ZNF782: variants seen among roughly 807,000 people sequenced by gnomAD.
The protein encoded by ZNF782 is zinc finger protein 782.
ZNF782 carries 12 observed loss-of-function variants against 13.0 expected under a neutral mutation model. The observed-to-expected ratio is 0.92, with a 90% CI of 0.59 to 1.50. ZNF782 has a LOEUF of 1.50. Among genes scored for constraint, ZNF782 ranks in the 40% most tolerant of loss-of-function variants. ZNF782 has a pLI of 0.00. For synonymous variants in ZNF782, 284 were observed against 283.0 expected, an observed-to-expected ratio of 1.00 and a Z score of -0.04; for missense variants, 770 against 822.9, an observed-to-expected ratio of 0.94 and a Z score of 0.79.
At chr9:96,891,561 CTT>C in the ZNF782 span, 1,585 of 138,096 alleles carry the variant, frequency 0.011, 45 homozygotes, top group African/African-American at 0.038. Flanking sequence ...TCTGTTAAGT[CTT>C]TTTTTTTTTT....
At chr9:96,889,329 C>G in the ZNF782 span, 1 of 152,160 alleles carries the variant, frequency 6.6e-6, no homozygotes, top group African/African-American at 2.4e-5. Flanking sequence ...CCATTTAATG[C>G]CATTATTGCA....
chr9:96,869,424 C>T (rs375526957), intron 1 of ZNF782, among the ~76,000 whole-genome samples: 1 of 152,124 alleles, frequency 6.6e-6, no homozygotes, highest in South Asian at 2.1e-4. Flanking sequence ...TATTTGTTAT[C>T]ATTTAGTTTG....
the ZNF782 span, among the ~76,000 whole-genome samples, chr9:96,924,911 G>A: frequency 3.3e-5 from 5 of 152,338 alleles, no homozygotes; most frequent in East Asian, 1.9e-4. Flanking sequence ...GCTAAGGACC[G>A]CTCCCGCCTT....
At chr9:96,835,620 G>A (rs984780197) in intron 4 of ZNF782, among the ~76,000 whole-genome samples, 2 of 152,190 alleles carry the variant, frequency 1.3e-5, no homozygotes, top group Non-Finnish European at 2.9e-5. Flanking sequence ...CTCCAGTAAG[G>A]CTTGTGCTGC....
intron 4 of ZNF782, among the ~76,000 whole-genome samples, chr9:96,841,614 G>A (rs1015012139): frequency 3.9e-5 from 6 of 151,908 alleles, no homozygotes; most frequent in Admixed American, 3.3e-4. Flanking sequence ...ATGGAGTAAT[G>A]AAGAAAAACC....
the ZNF782 span, chr9:96,893,352 T>C: frequency 2.0e-5 from 3 of 152,194 alleles, no homozygotes; most frequent in Admixed American, 1.3e-4. Context: ...TAGGAGGCTA[T>C]CTGATCATTA....
intron 1 of ZNF782, among the ~76,000 whole-genome samples, chr9:96,872,546 T>C (rs954663417): frequency 6.6e-5 from 10 of 151,812 alleles, no homozygotes; most frequent in African/African-American, 1.9e-4. Context: ...AAAAAAAAAT[T>C]GTGACTAGTA....
intron 1 of ZNF782, among the ~76,000 whole-genome samples, chr9:96,871,604 T>C (rs1159188811): frequency 6.6e-6 from 1 of 152,208 alleles, no homozygotes; most frequent in Non-Finnish European, 1.5e-5. Context: ...AAGGCTTAAA[T>C]GGCAGGATCA....
In ZNF782 at chr9:96,845,032, T is replaced by C. The variant is rs781684518; in HGVS notation, c.16-16A>G. 6.2e-7 allele frequency: 1 copy of C among 1,613,830 alleles called. No individual in the cohort carries two copies. Among genetic ancestry groups the C allele is most frequent in the East Asian group, 2.2e-5 (1 of 44,868 alleles). The stretch of plus-strand genomic sequence containing the variant: ...ACACTGATGCCTGTAACAGCGCATT[T>C]CTAATTAATCTGAGTGTTCAGAATC... On this transcript the variant is annotated splice_polypyrimidine_tract_variant and intron_variant, in intron 3 of 5. Transcript: ENST00000481138.
At chr9:96,933,248 G>A in the ZNF782 span, among the ~76,000 whole-genome samples, 1 of 151,760 alleles carries the variant, frequency 6.6e-6, no homozygotes. Context: ...AAAGTGCTGC[G>A]ATTGCAGGCA....
chr9:96,834,562 C>T (rs1340520815), intron 4 of ZNF782, among the ~76,000 whole-genome samples: 2 of 152,156 alleles, frequency 1.3e-5, no homozygotes, highest in African/African-American at 2.4e-5. Flanking sequence ...CTCTTGCTTC[C>T]ATGCAATTTC....
intron 1 of ZNF782, among the ~76,000 whole-genome samples, chr9:96,873,866 G>T (rs1472559753): frequency 3.3e-5 from 5 of 152,200 alleles, no homozygotes; most frequent in Admixed American, 3.3e-4. Flanking sequence ...TCTGACAAAT[G>T]TTTGGGGTAT....
At chr9:96,912,592 G>C in the ZNF782 span, among the ~76,000 whole-genome samples, 33 of 151,636 alleles carry the variant, frequency 2.2e-4, 2 homozygotes, top group Admixed American at 9.2e-4. Flanking sequence ...GCAGTGGCAC[G>C]ATCTTGGCTC....
the ZNF782 span, among the ~76,000 whole-genome samples, chr9:96,919,714 C>G: frequency 6.7e-6 from 1 of 149,946 alleles, no homozygotes; most frequent in African/African-American, 2.4e-5. Flanking sequence ...AAGGCGTGTA[C>G]CACTACGCCC....
At chr9:96,926,772 T>C in the ZNF782 span, among the ~76,000 whole-genome samples, 2 of 152,210 alleles carry the variant, frequency 1.3e-5, no homozygotes, top group Non-Finnish European at 2.9e-5. Context: ...TGTTACGTTT[T>C]CTGCAACTCT....
At chr9:96,837,743 T>G (rs893941429) in intron 4 of ZNF782, among the ~76,000 whole-genome samples, 1 of 152,206 alleles carries the variant, frequency 6.6e-6, no homozygotes, top group African/African-American at 2.4e-5. Context: ...CTCAAGGTAT[T>G]TTCTAATTTG....
intron 4 of ZNF782, among the ~76,000 whole-genome samples, chr9:96,828,919 T>C (rs377377427): frequency 6.6e-6 from 1 of 152,112 alleles, no homozygotes; most frequent in African/African-American, 2.4e-5. Flanking sequence ...GAAAATTTTA[T>C]GTAGACAGAA....
the ZNF782 span, among the ~76,000 whole-genome samples, chr9:96,914,184 C>T: frequency 1.3e-5 from 2 of 151,400 alleles, no homozygotes; most frequent in Non-Finnish European, 3.0e-5. Flanking sequence ...TGCAGTGGCG[C>T]GATCTCGGCT....
intron 1 of ZNF782, among the ~76,000 whole-genome samples, chr9:96,873,623 C>T (rs1851854477): frequency 6.6e-6 from 1 of 152,230 alleles, no homozygotes; most frequent in Admixed American, 6.5e-5. Context: ...TCGCTTGAGC[C>T]TGGGAGGCAG....
Sources: allele counts gnomAD v4.1 joint callset (sites outside exome capture counted in the v4.1 genomes callset), GRCh38; gene constraint gnomAD v4.1.1; transcripts MANE v1.5; gene names NCBI Gene and HGNC (gene_info 2026-07-23, HGNC 2026-07-21).